Variants in PRRC1 observed in about 807,000 individuals in gnomAD.
The protein encoded by PRRC1 is protein PRRC1.
PRRC1 carries 39 observed loss-of-function variants against 40.7 expected under a neutral mutation model. The observed-to-expected ratio is 0.96, with a 90% CI of 0.74 to 1.25. The LOEUF is 1.25. Ranked by LOEUF, PRRC1 falls within the 50% of genes most tolerant of loss-of-function variation. The pLI, the probability that PRRC1 is intolerant of heterozygous loss-of-function variation, is 0.00. For missense variants in PRRC1, 573 were observed against 548.3 expected (o/e 1.05, Z -0.45); for synonymous variants, 175 against 193.3 (o/e 0.91, Z 0.79).
chr5:127,551,611 T>TA (rs1406708667), intron 8 of PRRC1, 96 bp from the exon 9 acceptor site: 6 of 1,280,372 alleles, frequency 4.7e-6, no homozygotes, highest in Admixed American at 2.1e-5. Flanking sequence ...AATCTATATT[T>TA]AAAATAACAT....
intron 7 of PRRC1, among the ~76,000 whole-genome samples, chr5:127,547,535 C>T (rs1475966964): frequency 1.3e-5 from 2 of 151,954 alleles, no homozygotes; most frequent in South Asian, 2.1e-4. Context: ...TATTTGAGTA[C>T]CCTTACTTTG....
chr5:127,533,493 T>G, intron 5 of PRRC1, 130 bp from the exon 6 acceptor site: 1 of 826,538 alleles, frequency 1.2e-6, no homozygotes. Flanking sequence ...AAGATAATGA[T>G]CTATATCTTG....
chr5:127,537,398 G>C (rs1305366181), intron 6 of PRRC1, among the ~76,000 whole-genome samples: 1 of 151,822 alleles, frequency 6.6e-6, no homozygotes, highest in African/African-American at 2.4e-5. Flanking sequence ...AACTCCAAAA[G>C]AGGCCACATT....
chr5:127,530,218 G>A (rs1367631464), intron 4 of PRRC1, 76 bp from the exon 5 acceptor site: 1 of 1,331,866 alleles, frequency 7.5e-7, no homozygotes, highest in Non-Finnish European at 1.0e-6. Flanking sequence ...TTTTAAAAAA[G>A]TTTTCTTCAC....
At chr5:127,534,533 T>C (rs1295644063) in intron 6 of PRRC1, among the ~76,000 whole-genome samples, 4 of 152,232 alleles carry the variant, frequency 2.6e-5, no homozygotes, top group Admixed American at 2.0e-4. Flanking sequence ...CAGTTGATCA[T>C]GCACTTCTCT....
Position 127,552,355 on chromosome 5 carries a change from G to T in PRRC1, c.*439G>T. On this transcript the variant is annotated 3_prime_UTR_variant, in exon 9 of 9. Transcript: ENST00000296666. ...TTTCTGTCAGTCTTTGACTACTTTTGTATGTGCACACGATCTCAGGGCTGG... is the reference window on the plus strand; with the variant it reads ...TTTCTGTCAGTCTTTGACTACTTTTTTATGTGCACACGATCTCAGGGCTGG... The T allele has an allele frequency of 9.8e-7, 1 of 1,015,640 alleles. No homozygotes were observed. The highest frequency in any genetic ancestry group is 1.2e-6 in the Non-Finnish European group (1 of 847,162). 62.9% of individuals were successfully genotyped at this position (1,015,640 alleles called of 1,614,324 possible).
intron 8 of PRRC1, chr5:127,549,677 GCAAA>G (rs888119797): frequency 6.6e-6 from 1 of 152,198 alleles, no homozygotes; most frequent in African/African-American, 2.4e-5. Context: ...TCTGGGGTCA[GCAAA>G]CAGTGGCTCA....
intron 1 of PRRC1, among the ~76,000 whole-genome samples, chr5:127,519,670 A>G (rs753032789): frequency 6.6e-6 from 1 of 152,196 alleles, no homozygotes; most frequent in Non-Finnish European, 1.5e-5. Flanking sequence ...TTGGTTTAAC[A>G]TCATATTCTC....
rs560592089 is a variant in PRRC1 at position 127,552,362 on chromosome 5, C to T, written c.*446C>T. On this transcript the variant is annotated 3_prime_UTR_variant, in exon 9 of 9. Transcript: ENST00000296666. ...CAGTCTTTGACTACTTTTGTATGTG[C>T]ACACGATCTCAGGGCTGGTGCTGAG... 2.2e-4 allele frequency: 224 copies of T among 1,010,950 alleles called. No homozygotes were observed. In the African/African-American group the frequency reaches 3.5e-3, roughly 16 times the overall value. 62.6% of individuals were successfully genotyped at this position (1,010,950 alleles called of 1,614,324 possible).
chr5:127,525,029 A>C (rs1767581950), intron 3 of PRRC1, 109 bp downstream of exon 3: 1 of 1,099,320 alleles, frequency 9.1e-7, no homozygotes, highest in East Asian at 2.6e-5. Context: ...AATTCACCCA[A>C]TTCAAAGCAT....
Position 127,554,010 on chromosome 5 carries a change from C to G in PRRC1, c.*2094C>G, listed in dbSNP as rs912568780. Reference sequence around the variant, plus strand: ...TTGGCCCAGAGTTTTTGAAAAGCAGCGGAGCATGACTGACTTCACATGCTC... The same window carrying G: ...TTGGCCCAGAGTTTTTGAAAAGCAGGGGAGCATGACTGACTTCACATGCTC... On this transcript the variant is annotated 3_prime_UTR_variant, in exon 9 of 9. Transcript: ENST00000296666. 1.5e-5 allele frequency: 16 copies of G among 1,080,272 alleles called. No individual in the cohort carries two copies. The highest frequency in any genetic ancestry group is 2.1e-5 in the Non-Finnish European group (16 of 778,566). The allele number at this position is 1,080,272 out of a possible 1,614,324, so 66.9% of individuals were successfully genotyped here.
intron 7 of PRRC1, among the ~76,000 whole-genome samples, chr5:127,545,338 A>G (rs1016171860): frequency 2.0e-5 from 3 of 152,138 alleles, no homozygotes; most frequent in East Asian, 1.9e-4. Context: ...ACATGCACAC[A>G]TATGTTTATT....
rs754405933 is a variant in PRRC1, at chr5:127,523,550, C to G, written c.71C>G (p.Ala24Gly). The change falls in exon 2 of 9, where the codon GCT becomes GGT. Residue 24 changes from alanine to glycine, a missense_variant. Ala to Gly is a moderately conservative substitution (Grantham distance 60). Transcript: ENST00000296666. ...CCACCAAATCCTGCAGGGCTGGCTG[C>G]TACTGCTATGTCTTCTACCCCTGTT... ...TPPPNPAGLA[A>G]TAMSSTPVPL... The G allele has an allele frequency of 2.2e-5, 36 of 1,612,914 alleles. No individual in the cohort carries two copies. Among genetic ancestry groups the G allele is most frequent in the Non-Finnish European group, 3.1e-5 (36 of 1,179,520 alleles).
chr5:127,547,898 G>T lies in PRRC1; in HGVS notation c.1105G>T (p.Val369Leu). The change falls in exon 8 of 9, where the codon GTG (valine) becomes TTG (leucine). Residue 369 changes from valine to leucine, a missense_variant. Val to Leu is a conservative substitution (Grantham distance 32). Transcript: ENST00000296666. Reference protein sequence around the residue: ...HLETFTQATPVPLEFVQQAQS... With the variant: ...HLETFTQATPLPLEFVQQAQS... ...AGAAACATTTACACAAGCCACACCA[G>T]TGCCTTTGGAATTTGTACAGCAGGT... 1 of 1,613,536 alleles carries T rather than the reference G, an allele frequency of 6.2e-7. No homozygotes were observed.
At chr5:127,551,010 T>C (rs1768364299) in intron 8 of PRRC1, 1 of 152,124 alleles carries the variant, frequency 6.6e-6, no homozygotes, top group Non-Finnish European at 1.5e-5. Context: ...GCTCCTCAGG[T>C]GATTGTAATA....
intron 5 of PRRC1, among the ~76,000 whole-genome samples, chr5:127,531,814 C>T (rs1266889835): frequency 6.6e-6 from 1 of 151,404 alleles, no homozygotes; most frequent in Non-Finnish European, 1.5e-5. Context: ...GGGGTTTCTC[C>T]ATGTTGGCCA....
intron 1 of PRRC1, among the ~76,000 whole-genome samples, chr5:127,518,584 G>A (rs1055791063): frequency 6.6e-6 from 1 of 152,152 alleles, no homozygotes; most frequent in South Asian, 2.1e-4. Flanking sequence ...TTATTTCGGG[G>A]TCAGATTAGG....
chr5:127,541,060 T>G (rs1768031880), intron 7 of PRRC1, among the ~76,000 whole-genome samples: 1 of 152,206 alleles, frequency 6.6e-6, no homozygotes, highest in African/African-American at 2.4e-5. Flanking sequence ...AGTACCTAAT[T>G]TATTGAAAGT....
At chr5:127,520,732 T>C (rs1371790404) in intron 1 of PRRC1, among the ~76,000 whole-genome samples, 1 of 152,168 alleles carries the variant, frequency 6.6e-6, no homozygotes, top group Non-Finnish European at 1.5e-5. Context: ...GTCGAGGTGG[T>C]GGTTATACGA....
Sources: gnomAD v4.1 joint callset for allele counts (sites outside exome capture counted in the v4.1 genomes callset) on GRCh38, gnomAD v4.1.1 for gene constraint, MANE v1.5 for transcripts, NCBI Gene and HGNC (gene_info 2026-07-23, HGNC 2026-07-21) for gene names.